The following PRR16 variants were observed in gnomAD, a reference collection of about 807,000 sequenced individuals.
PRR16 encodes the protein protein Largen.
A neutral mutation model predicts 18.2 loss-of-function variants in PRR16; 6 were observed. That is an observed-to-expected ratio of 0.33 (90% CI 0.18 to 0.65). The LOEUF (loss-of-function observed/expected upper bound fraction) is 0.65. Among genes scored for constraint, PRR16 ranks in the 30% least tolerant of loss-of-function variants. The pLI, the probability that PRR16 is intolerant of heterozygous loss-of-function variation, is 0.74. For missense variants in PRR16, 412 were observed against 376.6 expected (o/e 1.09, Z -0.78); for synonymous variants, 151 against 147.8 (o/e 1.02, Z -0.16).
chr5:120,488,316 C>G (rs1468322855), intron 1 of PRR16, among the ~76,000 whole-genome samples: 1 of 152,136 alleles, frequency 6.6e-6, no homozygotes, highest in Non-Finnish European at 1.5e-5. Flanking sequence ...ATTATTATCT[C>G]AATTTCAGAG....
chr5:120,788,750 C>T, the PRR16 span, among the ~76,000 whole-genome samples: 1 of 152,004 alleles, frequency 6.6e-6, no homozygotes, highest in Non-Finnish European at 1.5e-5. Flanking sequence ...TTCATGAACA[C>T]CTTTAGTAAT....
chr5:120,763,322 AT>A, the PRR16 span, among the ~76,000 whole-genome samples: 1 of 151,530 alleles, frequency 6.6e-6, no homozygotes, highest in African/African-American at 2.4e-5. Context: ...TTTTTTTTGT[AT>A]TTTTAGTAGA....
chr5:120,487,295 C>T (rs1229726897), intron 1 of PRR16, among the ~76,000 whole-genome samples: 10 of 152,230 alleles, frequency 6.6e-5, no homozygotes, highest in Non-Finnish European at 1.3e-4. Flanking sequence ...AATGTTCTTC[C>T]ATTTGTTTGC....
chr5:120,491,035 C>A (rs192654223), intron 1 of PRR16, among the ~76,000 whole-genome samples: 1 of 152,134 alleles, frequency 6.6e-6, no homozygotes, highest in Non-Finnish European at 1.5e-5. Flanking sequence ...GAGGAGTACC[C>A]GGCCGTGTGA....
intron 1 of PRR16, among the ~76,000 whole-genome samples, chr5:120,487,088 C>T (rs1428710493): frequency 6.6e-6 from 1 of 152,200 alleles, no homozygotes; most frequent in Non-Finnish European, 1.5e-5. Context: ...CGTGATGCCT[C>T]TAGCTTTGTT....
At chr5:120,489,843 C>G (rs1749960986) in intron 1 of PRR16, among the ~76,000 whole-genome samples, 1 of 152,128 alleles carries the variant, frequency 6.6e-6, no homozygotes, top group Non-Finnish European at 1.5e-5. Context: ...TTAGGGCAGG[C>G]CTGGTGGTGA....
At chr5:120,750,000 T>C in the PRR16 span, among the ~76,000 whole-genome samples, 1 of 152,196 alleles carries the variant, frequency 6.6e-6, no homozygotes, top group Admixed American at 6.5e-5. Flanking sequence ...TTAGAATATG[T>C]TTGAAGCCAG....
At chr5:120,732,986 C>T in the PRR16 span, among the ~76,000 whole-genome samples, 1 of 152,124 alleles carries the variant, frequency 6.6e-6, no homozygotes, top group African/African-American at 2.4e-5. Flanking sequence ...TTTGTTGAGA[C>T]AACTTTTGCT....
At chr5:120,679,977 T>G (rs991042012) in intron 1 of PRR16, among the ~76,000 whole-genome samples, 4 of 152,150 alleles carry the variant, frequency 2.6e-5, no homozygotes, top group African/African-American at 9.7e-5. Flanking sequence ...GGATTTTTGC[T>G]AAATTAGTAG....
intron 1 of PRR16, among the ~76,000 whole-genome samples, chr5:120,492,901 T>C (rs956164494): frequency 6.6e-6 from 1 of 152,228 alleles, no homozygotes; most frequent in Non-Finnish European, 1.5e-5. Context: ...CATTCCTTTT[T>C]ATGGCTTAGT....
chr5:120,768,241 G>A, the PRR16 span, among the ~76,000 whole-genome samples: 4 of 151,878 alleles, frequency 2.6e-5, no homozygotes, highest in African/African-American at 9.6e-5. Context: ...TTCAGTGATT[G>A]TAGATAGGTC....
At chr5:120,709,882 A>T in the PRR16 span, among the ~76,000 whole-genome samples, 36,225 of 152,094 alleles carry the variant, frequency 0.24, 5,001 homozygotes, top group Middle Eastern at 0.43. Context: ...AAATTTATCC[A>T]TGATGGGCAC....
downstream of PRR16, among the ~76,000 whole-genome samples, chr5:120,690,568 A>C (rs958848013): frequency 6.6e-6 from 1 of 152,216 alleles, no homozygotes; most frequent in Non-Finnish European, 1.5e-5. Context: ...AAAAAGCCAT[A>C]TCACGAAAGT....
intron 1 of PRR16, among the ~76,000 whole-genome samples, chr5:120,600,273 T>C (rs571564169): frequency 6.6e-6 from 1 of 152,054 alleles, no homozygotes; most frequent in South Asian, 2.1e-4. Context: ...TCTCCTTTTT[T>C]GTTTAAGCCC....
chr5:120,667,818 G>T (rs1756445834), intron 1 of PRR16, among the ~76,000 whole-genome samples: 1 of 152,146 alleles, frequency 6.6e-6, no homozygotes. Context: ...TGGTCTGAGA[G>T]ACCGTTTGTT....
At chr5:120,597,997 C>T (rs1753866997) in intron 1 of PRR16, among the ~76,000 whole-genome samples, 1 of 151,746 alleles carries the variant, frequency 6.6e-6, no homozygotes, top group Non-Finnish European at 1.5e-5. Context: ...ATGGAGGTCT[C>T]CCAGTCATGA....
At chr5:120,619,810 C>T (rs1456430780) in intron 1 of PRR16, among the ~76,000 whole-genome samples, 1 of 151,972 alleles carries the variant, frequency 6.6e-6, no homozygotes, top group Non-Finnish European at 1.5e-5. Context: ...GCACTATGCA[C>T]TGTGCTAGAA....
At chr5:120,464,740 C>T in intron 1 of PRR16, 95 bp downstream of exon 1, 1 of 1,345,780 alleles carries the variant, frequency 7.4e-7, no homozygotes, top group Non-Finnish European at 9.8e-7. Context: ...GATTTCCAAA[C>T]TCCTGGGAAA....
At chr5:120,527,251 T>G (rs2112660757) in intron 1 of PRR16, among the ~76,000 whole-genome samples, 1 of 152,342 alleles carries the variant, frequency 6.6e-6, no homozygotes, top group African/African-American at 2.4e-5. Flanking sequence ...TGAGTCCAAC[T>G]TTTTGTACGT....
Sources: allele counts gnomAD v4.1 joint callset (sites outside exome capture counted in the v4.1 genomes callset), GRCh38; gene constraint gnomAD v4.1.1; transcripts MANE v1.5; gene names NCBI Gene and HGNC (gene_info 2026-07-23, HGNC 2026-07-21).